Variants in DCLK1 observed in about 807,000 individuals in gnomAD.
The protein encoded by DCLK1 is doublecortin like kinase 1, also known as serine/threonine-protein kinase DCLK1.
In DCLK1, 16 loss-of-function variants were observed where a neutral mutation model predicts 86.2. The ratio of observed to expected loss-of-function variants is 0.19; its 90% confidence interval spans 0.13 to 0.28. DCLK1 has a LOEUF of 0.28. Among genes scored for constraint, DCLK1 ranks in the 10% least tolerant of loss-of-function variants. DCLK1 has a pLI of 1.00. For synonymous variants in DCLK1, 369 were observed against 370.5 expected, an observed-to-expected ratio of 1.00 and a Z score of 0.05; for missense variants, 590 against 940.2, an observed-to-expected ratio of 0.63 and a Z score of 4.87.
At chr13:35,878,810 T>G (rs974870729) in intron 4 of DCLK1, among the ~76,000 whole-genome samples, 3 of 151,440 alleles carry the variant, frequency 2.0e-5, no homozygotes, top group Non-Finnish European at 4.4e-5. Flanking sequence ...TTTTTTGAGA[T>G]AGTCTTGTTC....
intron 3 of DCLK1, among the ~76,000 whole-genome samples, chr13:36,032,987 G>C (rs1164944052): frequency 6.6e-6 from 1 of 152,154 alleles, no homozygotes; most frequent in African/African-American, 2.4e-5. Context: ...CCTAGTAACA[G>C]GGGAACGTGG....
At chr13:35,926,764 A>C (rs1383092700) in intron 4 of DCLK1, among the ~76,000 whole-genome samples, 1 of 152,120 alleles carries the variant, frequency 6.6e-6, no homozygotes, top group Non-Finnish European at 1.5e-5. Flanking sequence ...ATCTTTTGTG[A>C]TTGGTACTAC....
Position 35,773,252 on chromosome 13 carries a change from A to G in DCLK1, c.*1283T>C, listed in dbSNP as rs1455243304. The G allele has an allele frequency of 6.6e-6, 1 of 152,592 alleles. No individual in the cohort carries two copies. The highest frequency in any genetic ancestry group is 1.9e-4 in the East Asian group (1 of 5,180). 9.5% of individuals were successfully genotyped at this position (152,592 alleles called of 1,614,324 possible). A position where few individuals can be genotyped will look rare whatever the true frequency, so the allele number is the denominator to read the frequency against. ...GACAGGACTTGGCCCAAAGACAGAA[A>G]AAACACTCTGACCTCCTGGACAGCT... On this transcript the variant is annotated 3_prime_UTR_variant, in exon 17 of 17. Transcript: ENST00000360631.
At chr13:35,931,414 G>A (rs910117762) in intron 4 of DCLK1, among the ~76,000 whole-genome samples, 12 of 152,174 alleles carry the variant, frequency 7.9e-5, no homozygotes, top group African/African-American at 1.2e-4. Flanking sequence ...TTGACATCAC[G>A]TCAGAAAGCC....
intron 16 of DCLK1, among the ~76,000 whole-genome samples, chr13:35,786,405 TAA>T (rs1342409538): frequency 6.6e-6 from 1 of 152,142 alleles, no homozygotes; most frequent in Non-Finnish European, 1.5e-5. Context: ...ACATATAATT[TAA>T]AAAGGATGGA....
At chr13:35,918,855 T>G (rs1875594424) in intron 4 of DCLK1, among the ~76,000 whole-genome samples, 1 of 138,546 alleles carries the variant, frequency 7.2e-6, no homozygotes, top group South Asian at 2.4e-4. Flanking sequence ...GTCTTATAAT[T>G]TGTTAAAGGC....
intron 3 of DCLK1, among the ~76,000 whole-genome samples, chr13:35,979,218 G>T (rs1879516141): frequency 6.6e-6 from 1 of 152,154 alleles, no homozygotes; most frequent in Admixed American, 6.5e-5. Context: ...TAGCCCAAGG[G>T]CTGTCAACGA....
intron 7 of DCLK1, among the ~76,000 whole-genome samples, chr13:35,836,743 T>C (rs573800242): frequency 6.6e-6 from 1 of 152,204 alleles, no homozygotes; most frequent in Non-Finnish European, 1.5e-5. Context: ...AAAACTACAC[T>C]ATCTATTATG....
intron 3 of DCLK1, among the ~76,000 whole-genome samples, chr13:36,027,050 G>A (rs948914713): frequency 6.6e-6 from 1 of 152,002 alleles, no homozygotes; most frequent in Non-Finnish European, 1.5e-5. Context: ...AAATGATGGG[G>A]CTAATATCTA....
rs570791922 is a variant in DCLK1, at chr13:35,980,491, A to G, written c.724-33034T>C. ...GGACTCCGTGTTCCCCCCGGCAACT[A>G]CTTTCTGTCTTTGTAATTTTGAATA... On this transcript the variant is annotated intron_variant, in intron 3 of 16. Coordinates refer to ENST00000360631, the MANE Select transcript of DCLK1 (RefSeq NM_001330071.2). 2.0e-5 allele frequency among the ~76,000 whole-genome samples: 3 copies of G among 152,210 alleles called. No homozygotes were observed. In the East Asian group the frequency reaches 5.8e-4, roughly 29 times the overall value.
At chr13:35,816,621 T>A (rs111524070) in intron 11 of DCLK1, among the ~76,000 whole-genome samples, 14 of 152,160 alleles carry the variant, frequency 9.2e-5, no homozygotes, top group Non-Finnish European at 1.3e-4. Context: ...AAATTGAGAT[T>A]CGAAGATGTA....
intron 4 of DCLK1, among the ~76,000 whole-genome samples, chr13:35,872,740 C>A (rs971254702): frequency 2.0e-5 from 3 of 146,428 alleles, no homozygotes; most frequent in African/African-American, 8.3e-5. Flanking sequence ...ATATCACTAC[C>A]TTTGTGATAT....
At chr13:35,985,637 C>T (rs1879865840) in intron 3 of DCLK1, among the ~76,000 whole-genome samples, 1 of 152,160 alleles carries the variant, frequency 6.6e-6, no homozygotes, top group African/African-American at 2.4e-5. Context: ...TTTGATGTTA[C>T]TGAAAGGAGA....
intron 3 of DCLK1, among the ~76,000 whole-genome samples, chr13:36,094,174 T>C (rs1421177545): frequency 6.6e-6 from 1 of 152,186 alleles, no homozygotes; most frequent in African/African-American, 2.4e-5. Flanking sequence ...TTTGCACCCC[T>C]CCACAAATCA....
At chr13:36,118,587 T>C (rs560600686) in intron 2 of DCLK1, among the ~76,000 whole-genome samples, 1 of 151,988 alleles carries the variant, frequency 6.6e-6, no homozygotes, top group African/African-American at 2.4e-5. Context: ...CAGTTGGAGA[T>C]TTCCAGCAAG....
intron 3 of DCLK1, among the ~76,000 whole-genome samples, chr13:35,951,298 G>C (rs774149517): frequency 7.9e-5 from 12 of 151,472 alleles, no homozygotes; most frequent in Admixed American, 2.6e-4. Flanking sequence ...TGGATGGATG[G>C]ATGGATGGAT....
At chr13:35,816,399 C>T (rs544990618) in intron 11 of DCLK1, among the ~76,000 whole-genome samples, 104 of 152,166 alleles carry the variant, frequency 6.8e-4, no homozygotes, top group Admixed American at 1.3e-3. Context: ...CGAAGTGAAT[C>T]GCATATATCT....
chr13:36,124,739 G>A (rs1299650983), intron 2 of DCLK1, among the ~76,000 whole-genome samples: 1 of 152,138 alleles, frequency 6.6e-6, no homozygotes, highest in African/African-American at 2.4e-5. Flanking sequence ...TGAACTCAAG[G>A]TGAAATCAAG....
intron 3 of DCLK1, among the ~76,000 whole-genome samples, chr13:36,061,309 C>T (rs1593855764): frequency 6.6e-6 from 1 of 151,998 alleles, no homozygotes; most frequent in South Asian, 2.1e-4. Context: ...CCAGCACATT[C>T]GAGAAGAAAA....
Sources: gnomAD v4.1 joint callset for allele counts (sites outside exome capture counted in the v4.1 genomes callset) on GRCh38, gnomAD v4.1.1 for gene constraint, MANE v1.5 for transcripts, NCBI Gene and HGNC (gene_info 2026-07-23, HGNC 2026-07-21) for gene names.